Variants in PGP observed in about 807,000 individuals in gnomAD.
The protein encoded by PGP is phosphoglycolate phosphatase.
Under a neutral mutation model 19.3 loss-of-function variants are expected in PGP, and 9 were observed. That is an observed-to-expected ratio of 0.47 (90% CI 0.28 to 0.81). The LOEUF (loss-of-function observed/expected upper bound fraction) is 0.81, where lower values mean the gene tolerates loss of function less well. PGP is among the 40% of genes least tolerant of loss of function. PGP has a pLI of 0.11. For missense variants in PGP, 403 were observed against 479.9 expected (o/e 0.84, Z 1.50); for synonymous variants, 308 against 226.8 (o/e 1.36, Z -3.22).
At position 2,212,256 on chromosome 16, in the gene PGP, G is replaced by A. The variant is rs939050769; in HGVS notation, c.*1472C>T. On this transcript the variant is annotated 3_prime_UTR_variant, in exon 2 of 2. Coordinates refer to ENST00000333503, the MANE Select transcript of PGP (RefSeq NM_001042371.3). ...CTGCTCTGCAGCACCCTCTGAACCC[G>A]ATATCCCAGGCCTGGGAGGTGCTGA... The A allele has an allele frequency of 8.1e-6, 8 of 985,888 alleles. No individual in the cohort carries two copies. Among genetic ancestry groups the A allele is most frequent in the African/African-American group, 3.5e-5 (2 of 57,374 alleles). The allele number at this position is 985,888 out of a possible 1,614,324, so 61.1% of individuals were successfully genotyped here. A position where few individuals can be genotyped will look rare whatever the true frequency, so the allele number is the denominator to read the frequency against.
rs756751556 is a variant in PGP at position 2,214,205 on chromosome 16, G to C, written c.573C>G (p.Pro191=). ...LTKALRYLQQ[P]GCLLVGTNMD... ...TGTTGGTGCCCACGAGCAGGCAGCC[G>C]GGCTGCTGCAGGTAGCGCAGGGCCT... The change falls in exon 1 of 2, where the codon CCC becomes CCG. Residue 191 remains proline (P), a synonymous_variant. Coordinates refer to ENST00000333503, the MANE Select transcript of PGP (RefSeq NM_001042371.3). This position sits in a 1 kb window ranked among gnomAD's most constrained non-coding sequence, Gnocchi z 7.1. 3.6e-5 allele frequency: 57 copies of C among 1,595,596 alleles called. No homozygotes were observed. In the South Asian group the frequency reaches 5.7e-4, roughly 16 times the overall value.
Position 2,213,992 on chromosome 16 carries a change from C to T in PGP, c.702G>A (p.Gly234=). 8 of 1,608,434 alleles carry T rather than the reference C, an allele frequency of 5.0e-6. No homozygotes were observed. The highest frequency in any genetic ancestry group is 6.8e-6 in the Non-Finnish European group (8 of 1,176,602). The change falls in exon 2 of 2, where the codon GGG becomes GGA. Residue 234 remains glycine (G), a synonymous_variant. Transcript: ENST00000333503. The part of the protein sequence containing the change: ...MAAQRQADII[G]KPSRFIFDCV... The stretch of plus-strand genomic sequence containing the variant: ...AGTCGAAAATGAAGCGGCTGGGCTT[C>T]CCGATGATGTCGGCCTGGCGCTGGG...
At position 2,213,785 on chromosome 16, in the gene PGP, C is replaced by T; in HGVS notation, c.909G>A (p.Met303Ile). ...QESDCVSKKK[M>I]VPDFYVDSIA... The stretch of plus-strand genomic sequence containing the variant: ...TGCTGTCAACATAGAAGTCAGGGAC[C>T]ATTTTCTTCTTAGACACGCAGTCAC... Residue 303 changes from methionine (M) to isoleucine (I), a missense_variant, in exon 2 of 2, where the codon ATG becomes ATA. By Grantham distance (10) the Met-to-Ile change is conservative. Transcript: ENST00000333503. The T allele has an allele frequency of 6.3e-7, 1 of 1,596,348 alleles. No homozygotes were observed. Among genetic ancestry groups the T allele is most frequent in the South Asian group, 1.1e-5 (1 of 90,030 alleles).
rs972737254 is a variant in PGP at position 2,212,310 on chromosome 16, A to C, written c.*1418T>G. 1.1e-5 allele frequency: 11 copies of C among 985,928 alleles called. No homozygotes were observed. The African/African-American group carries it at 1.6e-4, about 14-fold the overall frequency. 61.1% of individuals were successfully genotyped at this position (985,928 alleles called of 1,614,324 possible). ...CTCAGGACGCCTCTTATTGCTCTGA[A>C]GTCTTTGTGACCAAGTGGAGTGCTG... On this transcript the variant is annotated 3_prime_UTR_variant, in exon 2 of 2. Transcript: ENST00000333503.
chr16:2,213,126 A>C lies in PGP; in HGVS notation c.*602T>G. ...AACAGACACTCAGTTGTGACATCAG[A>C]GTGGTTTTCAAGGAAGTAAGGGAGG... On this transcript the variant is annotated 3_prime_UTR_variant, in exon 2 of 2. Transcript: ENST00000333503. 1.0e-6 allele frequency: 1 copy of C among 985,482 alleles called. No homozygotes were observed. The highest frequency in any genetic ancestry group is 1.2e-6 in the Non-Finnish European group (1 of 829,932). The allele number at this position is 985,482 out of a possible 1,614,324, so 61.0% of individuals were successfully genotyped here.
rs1480445171 is a variant in PGP at position 2,214,724 on chromosome 16, G to C, written c.54C>G (p.Ala18=). The C allele has an allele frequency of 4.6e-6, 6 of 1,304,304 alleles. No individual in the cohort carries two copies. The highest frequency in any genetic ancestry group is 4.9e-6 in the Non-Finnish European group (5 of 1,024,924). The allele number at this position is 1,304,304 out of a possible 1,614,324, so 80.8% of individuals were successfully genotyped here. The change falls in exon 1 of 2, where the codon GCC becomes GCG. Residue 18 remains alanine (A), a synonymous_variant. Transcript: ENST00000333503. The surrounding 1 kb of genome is among the most constrained non-coding windows in gnomAD (Gnocchi z 7.1). ...GDDARCVRLS[A]ERAQALLADV... ...CGGCCAGCAGCGCCTGTGCCCGCTCGGCGCTCAGCCGCACGCAGCGGGCGT... is the reference window on the plus strand; with the variant it reads ...CGGCCAGCAGCGCCTGTGCCCGCTCCGCGCTCAGCCGCACGCAGCGGGCGT...
Position 2,212,342 on chromosome 16 carries a change from T to C in PGP, c.*1386A>G, listed in dbSNP as rs2093377555. 1.0e-6 allele frequency: 1 copy of C among 985,992 alleles called. No individual in the cohort carries two copies. The highest frequency in any genetic ancestry group is 1.2e-6 in the Non-Finnish European group (1 of 830,244). 61.1% of individuals were successfully genotyped at this position (985,992 alleles called of 1,614,324 possible). ...GTGACCAAGTGGAGTGCTGTGACTGTGGGGCCAAGAGAGAAGCTGCCAGGT... is the reference window on the plus strand; with the variant it reads ...GTGACCAAGTGGAGTGCTGTGACTGCGGGGCCAAGAGAGAAGCTGCCAGGT... On this transcript the variant is annotated 3_prime_UTR_variant, in exon 2 of 2. Transcript: ENST00000333503.
chr16:2,212,647 T>C lies in PGP; in HGVS notation c.*1081A>G, dbSNP rs569567222. 3 of 985,498 alleles carry C rather than the reference T, an allele frequency of 3.0e-6. No homozygotes were observed. Among genetic ancestry groups the C allele is most frequent in the South Asian group, 9.4e-5 (2 of 21,292 alleles). The allele number at this position is 985,498 out of a possible 1,614,324, so 61.0% of individuals were successfully genotyped here. A position where few individuals can be genotyped will look rare whatever the true frequency, so the allele number is the denominator to read the frequency against. Reference sequence around the variant, plus strand: ...GGACAGGAAGAGACTGGATGCTTTGTAAAGGACTTCCTGTTCTTGGGGACA... The same window carrying C: ...GGACAGGAAGAGACTGGATGCTTTGCAAAGGACTTCCTGTTCTTGGGGACA... On this transcript the variant is annotated 3_prime_UTR_variant, in exon 2 of 2. Transcript: ENST00000333503.
At position 2,214,734 on chromosome 16, in the gene PGP, C is replaced by G; in HGVS notation, c.44G>C (p.Arg15Pro). 1.6e-6 allele frequency: 2 copies of G among 1,257,530 alleles called. No individual in the cohort carries two copies. Among genetic ancestry groups the G allele is most frequent in the Non-Finnish European group, 2.0e-6 (2 of 999,146 alleles). The allele number at this position is 1,257,530 out of a possible 1,614,324, so 77.9% of individuals were successfully genotyped here. ...CGCCTGTGCCCGCTCGGCGCTCAGC[C>G]GCACGCAGCGGGCGTCGTCGCCACC... ...EAGGDDARCV[R>P]LSAERAQALL... is the part of the protein sequence containing the mutation. The change falls in exon 1 of 2, where the codon CGG becomes CCG. Residue 15 changes from arginine to proline, a missense_variant. Transcript: ENST00000333503. The surrounding 1 kb of genome is among the most constrained non-coding windows in gnomAD (Gnocchi z 7.1).
Position 2,214,568 on chromosome 16 carries a change from G to A in PGP, c.210C>T (p.Ser70=), listed in dbSNP as rs867692655. ...GKRLGFITNN[S]SKTRAAYAEK... is the part of the protein sequence containing the mutation. ...CGGCGTAGGCAGCGCGGGTCTTGCTGCTGTTGTTGGTGATGAAGCCCAGGC... is the reference window on the plus strand; with the variant it reads ...CGGCGTAGGCAGCGCGGGTCTTGCTACTGTTGTTGGTGATGAAGCCCAGGC... The change falls in exon 1 of 2, where the codon AGC becomes AGT. Residue 70 remains serine, a synonymous_variant. Coordinates refer to ENST00000333503, the MANE Select transcript of PGP (RefSeq NM_001042371.3). The surrounding 1 kb of genome is among the most constrained non-coding windows in gnomAD (Gnocchi z 7.1). 1.8e-5 allele frequency: 26 copies of A among 1,470,996 alleles called. No individual in the cohort carries two copies. Among genetic ancestry groups the A allele is most frequent in the Middle Eastern group, 2.0e-4 (1 of 4,942 alleles). 91.1% of individuals were successfully genotyped at this position (1,470,996 alleles called of 1,614,324 possible). A position where few individuals can be genotyped will look rare whatever the true frequency, so the allele number is the denominator to read the frequency against.
At position 2,214,069 on chromosome 16, in the gene PGP, G is replaced by C; in HGVS notation, c.641-16C>G. 2 of 1,598,382 alleles carry C rather than the reference G, an allele frequency of 1.3e-6. No individual in the cohort carries two copies. Among genetic ancestry groups the C allele is most frequent in the South Asian group, 1.1e-5 (1 of 89,706 alleles). On this transcript the variant is annotated splice_polypyrimidine_tract_variant and intron_variant, in intron 1 of 1. Transcript: ENST00000333503. The surrounding 1 kb of genome is among the most constrained non-coding windows in gnomAD (Gnocchi z 7.1). Reference sequence around the variant, plus strand: ...CACCCGGTACCTGCGGGGCACAGGGGACCGGGTCAAAGGGCAGGGAGGGGG... The same window carrying C: ...CACCCGGTACCTGCGGGGCACAGGGCACCGGGTCAAAGGGCAGGGAGGGGG...
Position 2,211,790 on chromosome 16 carries a change from C to CT in PGP, c.*1937_*1938insA, listed in dbSNP as rs2093376069. The CT allele has an allele frequency of 1.0e-6, 1 of 985,490 alleles. No homozygotes were observed. Among genetic ancestry groups the CT allele is most frequent in the African/African-American group, 1.7e-5 (1 of 57,252 alleles). 61.0% of individuals were successfully genotyped at this position (985,490 alleles called of 1,614,324 possible). ...GCAGCCCACCAGCTTCACTCCAGGG[C>CT]CCTTTGCTTCCCTGGCTTCCCTTTG... On this transcript the variant is annotated 3_prime_UTR_variant, in exon 2 of 2. Transcript: ENST00000333503.
In PGP at chr16:2,212,024, G is replaced by A. The variant is rs117181636; in HGVS notation, c.*1704C>T. The A allele has an allele frequency of 1.3e-5, 13 of 985,532 alleles. No individual in the cohort carries two copies. The East Asian group carries it at 1.2e-3, about 95-fold the overall frequency. 61.0% of individuals were successfully genotyped at this position (985,532 alleles called of 1,614,324 possible). ...GGTTTGAGAGTTTAATCTGTGCTCTGGCGCCCACAGTGCTGCAGCCCCTCA... is the reference window on the plus strand; with the variant it reads ...GGTTTGAGAGTTTAATCTGTGCTCTAGCGCCCACAGTGCTGCAGCCCCTCA... On this transcript the variant is annotated 3_prime_UTR_variant, in exon 2 of 2. Coordinates refer to ENST00000333503, the MANE Select transcript of PGP (RefSeq NM_001042371.3).
In PGP at chr16:2,213,824, C is replaced by G. The variant is rs200929543; in HGVS notation, c.870G>C (p.Lys290Asn). The G allele has an allele frequency of 6.2e-7, 1 of 1,608,074 alleles. No individual in the cohort carries two copies. Among genetic ancestry groups the G allele is most frequent in the Non-Finnish European group, 8.5e-7 (1 of 1,175,236 alleles). Reference protein sequence around the residue: ...LTGVSTLGDVKNNQESDCVSK... With the variant: ...LTGVSTLGDVNNNQESDCVSK... ...ACACGCAGTCACTTTCCTGATTATT[C>G]TTCACATCCCCTAGAGTGGAGACTC... The change falls in exon 2 of 2, where the codon AAG becomes AAC. Residue 290 changes from lysine to asparagine, a missense_variant. By Grantham distance (94) the Lys-to-Asn change is moderately conservative. Coordinates refer to ENST00000333503, the MANE Select transcript of PGP (RefSeq NM_001042371.3).
chr16:2,214,751 G>A lies in PGP; in HGVS notation c.27C>T (p.Asp9=). The part of the protein sequence containing the change: MAAAEAGG[D]DARCVRLSAE... Reference sequence around the variant, plus strand: ...CGCTCAGCCGCACGCAGCGGGCGTCGTCGCCACCGGCCTCCGCCGCCGCCA... The same window carrying A: ...CGCTCAGCCGCACGCAGCGGGCGTCATCGCCACCGGCCTCCGCCGCCGCCA... The change falls in exon 1 of 2, where the codon GAC becomes GAT. Residue 9 remains aspartate, a synonymous_variant. Coordinates refer to ENST00000333503, the MANE Select transcript of PGP (RefSeq NM_001042371.3). The surrounding 1 kb of genome is among the most constrained non-coding windows in gnomAD (Gnocchi z 7.1). 1.4e-5 allele frequency: 17 copies of A among 1,180,030 alleles called. No individual in the cohort carries two copies. The highest frequency in any genetic ancestry group is 1.8e-5 in the Non-Finnish European group (17 of 954,070). The allele number at this position is 1,180,030 out of a possible 1,614,324, so 73.1% of individuals were successfully genotyped here.
chr16:2,214,774 C>G lies in PGP; in HGVS notation c.4G>C (p.Ala2Pro), dbSNP rs2141407444. 1 of 1,033,620 alleles carries G rather than the reference C, an allele frequency of 9.7e-7. No individual in the cohort carries two copies. Among genetic ancestry groups the G allele is most frequent in the Non-Finnish European group, 1.2e-6 (1 of 855,212 alleles). 64.0% of individuals were successfully genotyped at this position (1,033,620 alleles called of 1,614,324 possible). A position where few individuals can be genotyped will look rare whatever the true frequency, so the allele number is the denominator to read the frequency against. The part of the protein sequence containing the change: M[A>P]AAEAGGDDAR... ...TCGTCGCCACCGGCCTCCGCCGCCG[C>G]CATCGCCGCCCGCCGGCCGCCGCCG... The change falls in exon 1 of 2, where the codon GCG becomes CCG. Residue 2 changes from alanine (A) to proline (P), a missense_variant. Transcript: ENST00000333503. The surrounding 1 kb of genome is among the most constrained non-coding windows in gnomAD (Gnocchi z 7.1).
In PGP at chr16:2,214,615, C is replaced by A; in HGVS notation, c.163G>T (p.Ala55Ser). ...AGGCGCTTGCCGCGGGCTCGCAGCGCCCGCAGGGCCTCGGGCGCGCCAGGC... is the reference window on the plus strand; with the variant it reads ...AGGCGCTTGCCGCGGGCTCGCAGCGACCGCAGGGCCTCGGGCGCGCCAGGC... ...AVPGAPEALR[A>S]LRARGKRLGF... is the part of the protein sequence containing the mutation. Residue 55 changes from alanine (A) to serine (S), a missense_variant, in exon 1 of 2, where the codon GCG (alanine) becomes TCG (serine). By Grantham distance (99) the Ala-to-Ser change is moderately conservative. Transcript: ENST00000333503. The surrounding 1 kb of genome is among the most constrained non-coding windows in gnomAD (Gnocchi z 7.1). 1 of 1,455,574 alleles carries A rather than the reference C, an allele frequency of 6.9e-7. No homozygotes were observed. The highest frequency in any genetic ancestry group is 9.0e-7 in the Non-Finnish European group (1 of 1,107,548). The allele number at this position is 1,455,574 out of a possible 1,614,324, so 90.2% of individuals were successfully genotyped here. A position where few individuals can be genotyped will look rare whatever the true frequency, so the allele number is the denominator to read the frequency against.
In PGP at chr16:2,213,723, A is replaced by C. The variant is rs768745624; in HGVS notation, c.*5T>G. On this transcript the variant is annotated 3_prime_UTR_variant, in exon 2 of 2. Coordinates refer to ENST00000333503, the MANE Select transcript of PGP (RefSeq NM_001042371.3). ...TTTATTCTGCAGATTAAAGACACTC[A>C]ATCTTTAACCTTGAAGGGCAGGCAA... The C allele has an allele frequency of 6.6e-7, 1 of 1,511,518 alleles. No homozygotes were observed. The highest frequency in any genetic ancestry group is 8.9e-7 in the Non-Finnish European group (1 of 1,128,958). The allele number at this position is 1,511,518 out of a possible 1,614,324, so 93.6% of individuals were successfully genotyped here.
chr16:2,213,532 T>C lies in PGP; in HGVS notation c.*196A>G. The C allele has an allele frequency of 1.5e-6, 1 of 679,638 alleles. No homozygotes were observed. The highest frequency in any genetic ancestry group is 2.2e-6 in the Non-Finnish European group (1 of 456,246). The allele number at this position is 679,638 out of a possible 1,614,324, so 42.1% of individuals were successfully genotyped here. ...GCCTTCCAAGCCTAAAAGTGCATCTTCGATTACAAGCATCTGTAAACAAAA... is the reference window on the plus strand; with the variant it reads ...GCCTTCCAAGCCTAAAAGTGCATCTCCGATTACAAGCATCTGTAAACAAAA... On this transcript the variant is annotated 3_prime_UTR_variant, in exon 2 of 2. Transcript: ENST00000333503.
Sources: allele counts gnomAD v4.1 joint callset, GRCh38; gene constraint gnomAD v4.1.1; non-coding constraint Gnocchi (gnomAD v3.1); transcripts MANE v1.5; gene names NCBI Gene and HGNC (gene_info 2026-07-23, HGNC 2026-07-21).